PFKM: variants seen among roughly 807,000 people sequenced by gnomAD.
PFKM encodes the protein phosphofructokinase, muscle.
In PFKM, 58 loss-of-function variants were observed where a neutral mutation model predicts 95.5. The ratio of observed to expected loss-of-function variants is 0.61; its 90% CI spans 0.49 to 0.76. The LOEUF is 0.76. Among genes scored for constraint, PFKM ranks in the 30% least tolerant of loss-of-function variants. The pLI is 0.00. For synonymous variants in PFKM, 336 were observed against 357.2 expected (o/e 0.94, Z 0.67); for missense variants, 678 against 1,005.4 (o/e 0.67, Z 4.40).
upstream of PFKM, chr12:48,118,395 T>C (rs1022851432): frequency 4.5e-5 from 32 of 714,282 alleles, no homozygotes; most frequent in Middle Eastern, 2.3e-4. Flanking sequence ...TTCTTGATGG[T>C]ATAATTTGGA....
At chr12:48,134,630 C>A in intron 7 of PFKM, 91 bp from the exon 8 acceptor site, 1 of 978,570 alleles carries the variant, frequency 1.0e-6, no homozygotes, top group Non-Finnish European at 1.6e-6. Flanking sequence ...GACCTTTTAT[C>A]AACTATGAGG....
chr12:48,118,381 C>A, upstream of PFKM: 1 of 661,194 alleles, frequency 1.5e-6, no homozygotes, highest in Admixed American at 2.3e-5. Flanking sequence ...GTTGTCTTTC[C>A]ACTTTCTTGA....
chr12:48,116,049 A>G (rs1462747982), upstream of PFKM, among the ~76,000 whole-genome samples: 1 of 152,142 alleles, frequency 6.6e-6, no homozygotes, highest in African/African-American at 2.4e-5. Context: ...CATTCCTACC[A>G]GCAATGCAGA....
chr12:48,115,483 C>A (rs1467658967), upstream of PFKM, among the ~76,000 whole-genome samples: 6 of 152,162 alleles, frequency 3.9e-5, no homozygotes, highest in African/African-American at 1.4e-4. Flanking sequence ...TTACAAAGAA[C>A]CTTCTTAAAG....
chr12:48,108,214 A>G (rs2137522917), intron 3 of PFKM: 2 of 1,594,362 alleles, frequency 1.3e-6, no homozygotes, highest in Non-Finnish European at 1.7e-6. Context: ...GTGGGTCAAC[A>G]GTGAGAAATG....
At chr12:48,107,242 C>G (rs982650624) in intron 1 of PFKM, 1 of 671,466 alleles carries the variant, frequency 1.5e-6, no homozygotes, top group African/African-American at 1.8e-5. Context: ...TGTGCTGATA[C>G]TTTTATATTA....
At position 48,139,927 on chromosome 12, in the gene PFKM, A is replaced by T; in HGVS notation, c.1191+15A>T. 1 of 1,573,956 alleles carries T rather than the reference A, an allele frequency of 6.4e-7. No individual in the cohort carries two copies. Among genetic ancestry groups the T allele is most frequent in the Non-Finnish European group, 8.7e-7 (1 of 1,143,742 alleles). On this transcript the variant is annotated intron_variant, in intron 13 of 22. Coordinates refer to ENST00000359794, the MANE Select transcript of PFKM (RefSeq NM_000289.6). ...CGGTATCTAAGGTACTGGCAAGTTG[A>T]CTTGCCCTCTCCCCTTTTCCTTCTC...
upstream of PFKM, among the ~76,000 whole-genome samples, chr12:48,117,075 G>A (rs929989942): frequency 7.9e-5 from 12 of 152,194 alleles, no homozygotes; most frequent in South Asian, 2.1e-4. Flanking sequence ...TATTGTCTCC[G>A]TAGTTTTACC....
intron 2 of PFKM, among the ~76,000 whole-genome samples, chr12:48,126,314 G>T (rs1948829940): frequency 6.6e-6 from 1 of 152,162 alleles, no homozygotes; most frequent in Non-Finnish European, 1.5e-5. Flanking sequence ...TAAACTATTT[G>T]TATACCCCAA....
chr12:48,134,434 C>T (rs1055447247), intron 7 of PFKM, among the ~76,000 whole-genome samples, 158 bp downstream of exon 7: 2 of 152,206 alleles, frequency 1.3e-5, no homozygotes, highest in African/African-American at 4.8e-5. Context: ...CCCTCTGTTA[C>T]ATCCCCACAC....
At chr12:48,114,867 G>A (rs570092365), upstream of PFKM, among the ~76,000 whole-genome samples, 1 of 152,270 alleles carries the variant, frequency 6.6e-6, no homozygotes, top group South Asian at 2.1e-4. Context: ...GCAAAGCGGT[G>A]TTGCAGAAGA....
At chr12:48,139,534 G>A in intron 12 of PFKM, 185 bp downstream of exon 12, 1 of 649,434 alleles carries the variant, frequency 1.5e-6, no homozygotes, top group Non-Finnish European at 2.8e-6. Flanking sequence ...CATCTCAGGG[G>A]TGTGGTCCCT....
intron 18 of PFKM, 37 bp downstream of exon 18, chr12:48,142,983 CCT>C: frequency 6.3e-7 from 1 of 1,592,570 alleles, no homozygotes; most frequent in Non-Finnish European, 8.6e-7. Context: ...ATAGCTCTCC[CCT>C]GTCTCCAGAC....
At chr12:48,115,733 ATTGG>A (rs1947612557), upstream of PFKM, among the ~76,000 whole-genome samples, 1 of 152,196 alleles carries the variant, frequency 6.6e-6, no homozygotes, top group South Asian at 2.1e-4. Flanking sequence ...ATCACAGGCC[ATTGG>A]TCACTCATAT....
At chr12:48,136,766 T>C (rs947999088) in intron 10 of PFKM, among the ~76,000 whole-genome samples, 20 of 151,090 alleles carry the variant, frequency 1.3e-4, no homozygotes, top group South Asian at 4.2e-4. Flanking sequence ...TTCTTTCTTT[T>C]TTTTTGAGAT....
chr12:48,112,808 A>T (rs1947325719), intron 3 of PFKM, among the ~76,000 whole-genome samples: 3 of 152,186 alleles, frequency 2.0e-5, no homozygotes, highest in African/African-American at 7.2e-5. Flanking sequence ...TATAGGTTTT[A>T]AAAGGCCATG....
At chr12:48,118,694 G>A (rs921499590), upstream of PFKM, 16 of 663,954 alleles carry the variant, frequency 2.4e-5, no homozygotes, top group Middle Eastern at 1.1e-3. Context: ...CCAGAATCCC[G>A]CCCCCATCCC....
At position 48,140,730 on chromosome 12, in the gene PFKM, G is replaced by C; in HGVS notation, c.1200G>C (p.Ser400=). The C allele has an allele frequency of 6.2e-7, 1 of 1,614,110 alleles. No individual in the cohort carries two copies. ...HVRPPVSKSG[S]HTVAVMNVGA... Reference sequence around the variant, plus strand: ...TGCTTCCTCCTGTATAGAGTGGTTCGCACACAGTGGCTGTGATGAACGTGG... The same window carrying C: ...TGCTTCCTCCTGTATAGAGTGGTTCCCACACAGTGGCTGTGATGAACGTGG... Residue 400 remains serine (S), a synonymous_variant, in exon 14 of 23, where the codon TCG becomes TCC. Transcript: ENST00000359794.
chr12:48,108,307 C>A, intron 3 of PFKM: 3 of 892,738 alleles, frequency 3.4e-6, no homozygotes, highest in Non-Finnish European at 3.2e-6. Flanking sequence ...ATATAAGACC[C>A]AAGGGGGAAA....
Sources: allele counts gnomAD v4.1 joint callset (sites outside exome capture counted in the v4.1 genomes callset), GRCh38; gene constraint gnomAD v4.1.1; transcripts MANE v1.5; gene names NCBI Gene and HGNC (gene_info 2026-07-23, HGNC 2026-07-21).